Variants in GFM1 observed in about 807,000 individuals in gnomAD.
The protein encoded by GFM1 is G elongation factor mitochondrial 1.
In GFM1, 62 loss-of-function variants were observed where a neutral mutation model predicts 96.2. The observed-to-expected ratio is 0.64, with a 90% CI of 0.53 to 0.80. The LOEUF (loss-of-function observed/expected upper bound fraction) is 0.80. Ranked by LOEUF, GFM1 falls within the 30% of genes least tolerant of loss-of-function variation. GFM1 has a pLI of 0.00. For missense variants in GFM1, 852 were observed against 916.6 expected (o/e 0.93, Z 0.91); for synonymous variants, 282 against 312.9 (o/e 0.90, Z 1.04).
intron 16 of GFM1, 104 bp from the exon 17 acceptor site, chr3:158,691,035 C>A: frequency 1.3e-6 from 1 of 780,796 alleles, no homozygotes; most frequent in Non-Finnish European, 2.3e-6. Context: ...GAGTAGTGAG[C>A]AGAAATCTTA....
In GFM1 at chr3:158,682,047, G is replaced by A; in HGVS notation, c.1654G>A (p.Val552Ile). ...QSGGAGQYGK[V>I]IGVLEPLDPE... is the part of the protein sequence containing the mutation. ...AGGTGGTGCAGGCCAGTATGGAAAA[G>A]TAATAGGTGTCCTGGAGCCTCTGGA... The change falls in exon 14 of 18, where the codon GTA becomes ATA. Residue 552 changes from valine (V) to isoleucine (I), a missense_variant. Physicochemically the swap from Val to Ile is conservative, Grantham distance 29. Coordinates refer to ENST00000486715, the MANE Select transcript of GFM1 (RefSeq NM_024996.7). 6.2e-7 allele frequency: 1 copy of A among 1,613,580 alleles called. No individual in the cohort carries two copies. Among genetic ancestry groups the A allele is most frequent in the Non-Finnish European group, 8.5e-7 (1 of 1,179,746 alleles).
chr3:158,651,958 A>T (rs759374664), intron 5 of GFM1, 138 bp from the exon 6 acceptor site: 30 of 709,758 alleles, frequency 4.2e-5, no homozygotes, highest in Non-Finnish European at 7.1e-5. Flanking sequence ...CATTAGTCTT[A>T]TTTGCCATTT....
At chr3:158,672,701 C>T (rs149928375) in intron 13 of GFM1, 3 of 458,486 alleles carry the variant, frequency 6.5e-6, no homozygotes, top group Non-Finnish European at 1.2e-5. Flanking sequence ...TCTGAGGCCC[C>T]GCCCCACTAC....
At chr3:158,664,761 T>C (rs556032419) in intron 11 of GFM1, among the ~76,000 whole-genome samples, 5 of 152,286 alleles carry the variant, frequency 3.3e-5, no homozygotes, top group Non-Finnish European at 7.4e-5. Flanking sequence ...GGCAGCGTAT[T>C]GTCAGATTTG....
At chr3:158,673,897 G>A (rs1223704965) in intron 13 of GFM1, among the ~76,000 whole-genome samples, 2 of 151,946 alleles carry the variant, frequency 1.3e-5, no homozygotes, top group African/African-American at 4.8e-5. Flanking sequence ...CTGGATTCTG[G>A]ACTTTGGCCT....
At chr3:158,657,973 A>G (rs147477321) in intron 8 of GFM1, among the ~76,000 whole-genome samples, 2 of 152,090 alleles carry the variant, frequency 1.3e-5, no homozygotes, top group East Asian at 3.9e-4. Flanking sequence ...AGTTTTTGAA[A>G]AATTTCTGTT....
rs1560134396 is a variant in GFM1 at position 158,662,640 on chromosome 3, G to A, written c.1336G>A (p.Val446Ile). The A allele has an allele frequency of 1.9e-6, 3 of 1,597,102 alleles. No individual in the cohort carries two copies. The highest frequency in any genetic ancestry group is 1.3e-5 in the African/African-American group (1 of 74,592). ...AAAAATATTTTAGGAGTCAATTCAT[G>A]TTCCTGATCCTGTCATTTCAATAGC... is the stretch of plus-strand genomic sequence containing the variant. ...NSGLSMESIH[V>I]PDPVISIAMK... Residue 446 changes from valine to isoleucine, a missense_variant, in exon 11 of 18, where the codon GTT becomes ATT. Physicochemically the swap from Val to Ile is conservative, Grantham distance 29 (BLOSUM62 3). Transcript: ENST00000486715.
chr3:158,661,044 T>G (rs1723164727), intron 10 of GFM1, 69 bp downstream of exon 10: 1 of 1,265,752 alleles, frequency 7.9e-7, no homozygotes, highest in African/African-American at 1.5e-5. Context: ...TGTAGTGCAT[T>G]TAATACTTCA....
At chr3:158,678,294 A>G (rs971646171) in intron 13 of GFM1, among the ~76,000 whole-genome samples, 1 of 152,186 alleles carries the variant, frequency 6.6e-6, no homozygotes, top group Admixed American at 6.5e-5. Flanking sequence ...ATTATTTAAG[A>G]AATACATTTT....
chr3:158,653,558 G>T (rs926189715), intron 7 of GFM1, 91 bp downstream of exon 7: 2 of 963,426 alleles, frequency 2.1e-6, no homozygotes. Context: ...TTTTAATTAT[G>T]TCTGTGATTT....
chr3:158,677,031 C>G (rs1724962656), intron 13 of GFM1, among the ~76,000 whole-genome samples: 1 of 152,166 alleles, frequency 6.6e-6, no homozygotes, highest in South Asian at 2.1e-4. Flanking sequence ...CATATTCTAA[C>G]TTCACATCTC....
In GFM1 at chr3:158,654,614, CT is replaced by C; in HGVS notation, c.1067del (p.Leu356ArgfsTer7). Reference protein sequence around the residue: ...SRDNSHPFVGLAFKLEVGRFG... With the variant: ...SRDNSHPFVGXAFKLEVGRFG... ...AGACAATTCCCACCCATTTGTAGGCCTGGCTTTTAAACTGGAGGTAAGTTGC... is the reference window on the plus strand; with the variant it reads ...AGACAATTCCCACCCATTTGTAGGCCGGCTTTTAAACTGGAGGTAAGTTGC... On this transcript the variant is annotated frameshift_variant, in exon 8 of 18. Transcript: ENST00000486715. LOFTEE classifies it high-confidence loss of function. The C allele has an allele frequency of 3.1e-6, 5 of 1,612,294 alleles. No individual in the cohort carries two copies. The highest frequency in any genetic ancestry group is 4.2e-6 in the Non-Finnish European group (5 of 1,178,452).
chr3:158,677,352 C>A (rs541871541), intron 13 of GFM1, among the ~76,000 whole-genome samples: 2 of 152,204 alleles, frequency 1.3e-5, no homozygotes, highest in African/African-American at 4.8e-5. Flanking sequence ...TTGAAGCTAG[C>A]AGATGTTGGT....
chr3:158,669,456 G>A (rs1350603791), intron 13 of GFM1: 2 of 1,612,674 alleles, frequency 1.2e-6, no homozygotes, highest in Non-Finnish European at 8.5e-7. Flanking sequence ...TGCTTCTAGC[G>A]GTTCCTTCAT....
At chr3:158,662,744 A>G (rs1024949782) in intron 11 of GFM1, 60 bp downstream of exon 11, 19 of 951,824 alleles carry the variant, frequency 2.0e-5, no homozygotes, top group Admixed American at 8.5e-5. Context: ...TTTTTCATCT[A>G]TCTCTACAAT....
At chr3:158,663,407 G>A (rs1219822227) in intron 11 of GFM1, among the ~76,000 whole-genome samples, 1 of 152,118 alleles carries the variant, frequency 6.6e-6, no homozygotes, top group Non-Finnish European at 1.5e-5. Context: ...TTTATGATTT[G>A]TTATACAGAA....
intron 13 of GFM1, chr3:158,672,257 C>A: frequency 6.6e-7 from 1 of 1,505,594 alleles, no homozygotes; most frequent in Non-Finnish European, 9.1e-7. Flanking sequence ...GGGGGTGGCA[C>A]GGAGTGTCTG....
rs1353598663 is a variant in GFM1 at position 158,692,469 on chromosome 3, A to G, written c.*1002A>G. ...AAGTTGGGCTTTCCCAAGCAGTTCT[A>G]TTACCCGGTTCAGAATTGCTTCATC... On this transcript the variant is annotated 3_prime_UTR_variant, in exon 18 of 18. Coordinates refer to ENST00000486715, the MANE Select transcript of GFM1 (RefSeq NM_024996.7). The G allele has an allele frequency of 6.6e-6, 1 of 152,222 alleles. No homozygotes were observed. Among genetic ancestry groups the G allele is most frequent in the Non-Finnish European group, 1.5e-5 (1 of 68,036 alleles). The allele number at this position is 152,222 out of a possible 1,614,324, so 9.4% of individuals were successfully genotyped here. A position where few individuals can be genotyped will look rare whatever the true frequency, so the allele number is the denominator to read the frequency against.
chr3:158,652,000 TA>T, intron 5 of GFM1, 95 bp from the exon 6 acceptor site: 6 of 1,082,168 alleles, frequency 5.5e-6, no homozygotes, highest in Non-Finnish European at 8.3e-6. Flanking sequence ...CTTTGTTACC[TA>T]AAAAAATATT....
Sources: gnomAD v4.1 joint callset for allele counts (sites outside exome capture counted in the v4.1 genomes callset) on GRCh38, gnomAD v4.1.1 for gene constraint, MANE v1.5 for transcripts, NCBI Gene and HGNC (gene_info 2026-07-23, HGNC 2026-07-21) for gene names.